The following TRDN variants were observed in gnomAD, a reference collection of about 807,000 sequenced individuals.
TRDN encodes triadin in skeletal muscle.
A neutral mutation model predicts 149.7 loss-of-function variants in TRDN; 161 were observed. The observed-to-expected ratio is 1.08, with a 90% CI of 0.95 to 1.23. The LOEUF (loss-of-function observed/expected upper bound fraction) is 1.23, where lower values mean the gene tolerates loss of function less well. Among genes scored for constraint, TRDN ranks in the 50% most tolerant of loss-of-function variants. The probability of loss-of-function intolerance (pLI) is 0.00; values close to 1 mark genes in which losing one functional copy is unlikely to be tolerated. For synonymous variants in TRDN, 294 were observed against 250.5 expected, an observed-to-expected ratio of 1.17 and a Z score of -1.64; for missense variants, 896 against 823.5, an observed-to-expected ratio of 1.09 and a Z score of -1.08.
chr6:123,379,187 T>G (rs1182722046), intron 16 of TRDN, among the ~76,000 whole-genome samples: 1 of 152,164 alleles, frequency 6.6e-6, no homozygotes, highest in African/African-American at 2.4e-5. Flanking sequence ...AACTATATTT[T>G]AAAAATATAG....
At chr6:123,315,526 A>G (rs1357581013) in intron 24 of TRDN, among the ~76,000 whole-genome samples, 2 of 152,010 alleles carry the variant, frequency 1.3e-5, no homozygotes, top group South Asian at 4.1e-4. Context: ...GTGATTTGTA[A>G]TAACTGCTTA....
At chr6:123,373,918 T>C (rs1355523690) in intron 19 of TRDN, among the ~76,000 whole-genome samples, 1 of 152,212 alleles carries the variant, frequency 6.6e-6, no homozygotes, top group Non-Finnish European at 1.5e-5. Context: ...GGCATTAACT[T>C]TATAAGTAGC....
At chr6:123,582,432 A>G (rs143273311) in intron 1 of TRDN, among the ~76,000 whole-genome samples, 3,390 of 149,046 alleles carry the variant, frequency 0.023, 122 homozygotes, top group African/African-American at 0.079. Context: ...GTCCAAAAAG[A>G]GAGTCAGTGA....
At chr6:123,263,528 G>A (rs1178252225) in intron 33 of TRDN, among the ~76,000 whole-genome samples, 1 of 152,182 alleles carries the variant, frequency 6.6e-6, no homozygotes, top group Non-Finnish European at 1.5e-5. Context: ...AGACAAAATA[G>A]CCTTCTAGGG....
At chr6:123,591,429 A>G (rs1256864701) in intron 1 of TRDN, among the ~76,000 whole-genome samples, 1 of 152,070 alleles carries the variant, frequency 6.6e-6, no homozygotes, top group Non-Finnish European at 1.5e-5. Flanking sequence ...TATTTTTAGT[A>G]CAGATGGGGT....
intron 1 of TRDN, among the ~76,000 whole-genome samples, chr6:123,627,064 G>T (rs996715369): frequency 6.6e-6 from 1 of 151,846 alleles, no homozygotes; most frequent in Non-Finnish European, 1.5e-5. Context: ...AAGTAACTGG[G>T]ATTACAGGTG....
intron 1 of TRDN, among the ~76,000 whole-genome samples, chr6:123,624,841 A>G (rs2114722491): frequency 6.6e-6 from 1 of 152,274 alleles, no homozygotes. Context: ...TAATGGGAGA[A>G]CACTCAGATG....
intron 5 of TRDN, chr6:123,528,740 C>T (rs1780069795): frequency 9.1e-6 from 9 of 988,586 alleles, no homozygotes; most frequent in Non-Finnish European, 1.1e-5. Context: ...AGGCATTAGT[C>T]TACCCCATTT....
intron 23 of TRDN, among the ~76,000 whole-genome samples, chr6:123,318,790 T>C (rs1779133045): frequency 6.6e-6 from 1 of 152,052 alleles, no homozygotes; most frequent in Non-Finnish European, 1.5e-5. Context: ...ATAAAAATTG[T>C]GGAGAATATT....
Position 123,565,168 on chromosome 6 carries a change from G to T in TRDN, c.232+5755C>A, listed in dbSNP as rs181197298. 2.2e-3 allele frequency among the ~76,000 whole-genome samples: 337 copies of T among 152,240 alleles called. 2 individuals carry two copies. Among genetic ancestry groups the T allele is most frequent in the African/African-American group, 7.7e-3 (319 of 41,548 alleles). On this transcript the variant is annotated intron_variant, in intron 2 of 40. Transcript: ENST00000334268. Reference sequence around the variant, plus strand: ...AAGCCTACAAATTCTGGCCCCAAAAGATCAGAATACATAATCAAGGCACCC... The same window carrying T: ...AAGCCTACAAATTCTGGCCCCAAAATATCAGAATACATAATCAAGGCACCC...
chr6:123,619,934 A>C (rs1785293297), intron 1 of TRDN, among the ~76,000 whole-genome samples: 1 of 152,092 alleles, frequency 6.6e-6, no homozygotes, highest in Non-Finnish European at 1.5e-5. Context: ...CAGTGTGCAC[A>C]TGTTGGGCTC....
At chr6:123,432,042 G>A (rs562085229) in intron 12 of TRDN, among the ~76,000 whole-genome samples, 2 of 152,056 alleles carry the variant, frequency 1.3e-5, no homozygotes, top group South Asian at 2.1e-4. Context: ...AAATAGATAC[G>A]AATGTATCCC....
chr6:123,514,806 T>A (rs960887325), intron 6 of TRDN, among the ~76,000 whole-genome samples: 2 of 152,016 alleles, frequency 1.3e-5, no homozygotes, highest in African/African-American at 4.8e-5. Flanking sequence ...CTGGAAGCCA[T>A]CATTCTCAGC....
intron 24 of TRDN, among the ~76,000 whole-genome samples, chr6:123,285,590 G>C (rs1777775343): frequency 6.6e-6 from 1 of 152,012 alleles, no homozygotes; most frequent in African/African-American, 2.4e-5. Flanking sequence ...AATTCTAGAA[G>C]ATAAAATCAG....
chr6:123,545,247 C>T (rs1781055730), intron 4 of TRDN, among the ~76,000 whole-genome samples: 1 of 151,722 alleles, frequency 6.6e-6, no homozygotes, highest in South Asian at 2.1e-4. Context: ...CCTTCTTAAA[C>T]CAACATTTGT....
chr6:123,260,535 T>C, intron 34 of TRDN, 77 bp downstream of exon 34: 4 of 1,400,444 alleles, frequency 2.9e-6, no homozygotes, highest in South Asian at 1.4e-5. Flanking sequence ...TTTCTAAATG[T>C]TATACATCTA....
intron 20 of TRDN, among the ~76,000 whole-genome samples, chr6:123,358,916 G>A (rs150739302): frequency 3.3e-5 from 5 of 152,176 alleles, no homozygotes; most frequent in Admixed American, 2.0e-4. Flanking sequence ...ATATTACTTC[G>A]GAGAGGTAGA....
chr6:123,541,214 T>G (rs982775388), intron 4 of TRDN, among the ~76,000 whole-genome samples: 2 of 152,158 alleles, frequency 1.3e-5, no homozygotes, highest in Non-Finnish European at 2.9e-5. Context: ...CTGAGTTGAG[T>G]TGCCTCAGAG....
chr6:123,489,029 C>CT (rs1479024784), intron 9 of TRDN: 1 of 152,048 alleles, frequency 6.6e-6, no homozygotes, highest in South Asian at 2.1e-4. Flanking sequence ...ACAGAAATCA[C>CT]TTAACATTTT....
Sources: gnomAD v4.1 joint callset for allele counts (sites outside exome capture counted in the v4.1 genomes callset) on GRCh38, gnomAD v4.1.1 for gene constraint, MANE v1.5 for transcripts, NCBI Gene and HGNC (gene_info 2026-07-23, HGNC 2026-07-21) for gene names.